Variants in PLPP1 observed in about 807,000 individuals in gnomAD.
PLPP1 encodes the protein lipid phosphate phosphohydrolase 1a.
In PLPP1, 24 loss-of-function variants were observed where a neutral mutation model predicts 31.2. The ratio of observed to expected loss-of-function variants is 0.77; its 90% confidence interval spans 0.56 to 1.08. The LOEUF (loss-of-function observed/expected upper bound fraction) is 1.08, where lower values mean the gene tolerates loss of function less well. Ranked by LOEUF, PLPP1 falls within the 50% of genes least tolerant of loss-of-function variation. PLPP1 has a pLI of 0.00. For synonymous variants in PLPP1, 146 were observed against 126.3 expected, an observed-to-expected ratio of 1.16 and a Z score of -1.05; for missense variants, 319 against 342.7, an observed-to-expected ratio of 0.93 and a Z score of 0.55.
Position 55,511,650 on chromosome 5 carries a change from G to GTTTTTT in PLPP1, c.58+22916_58+22921dup, listed in dbSNP as rs1158182340. Among the ~76,000 whole-genome samples the GTTTTTT allele has an allele frequency of 7.4e-4, 38 of 51,502 alleles. 5 individuals are homozygous for GTTTTTT. The highest frequency in any genetic ancestry group is 2.9e-3 in the African/African-American group (32 of 11,164). 33.8% of individuals were successfully genotyped at this position (51,502 alleles called of 152,430 possible). ...ACTTTAGCGATTTAACACGTGTTGA[G>GTTTTTT]TTTTTTTTTTTTTTTTTTTTTTTTT... On this transcript the variant is annotated intron_variant, in intron 1 of 5. Coordinates refer to ENST00000307259, the MANE Select transcript of PLPP1 (RefSeq NM_003711.4).
At chr5:55,510,865 A>G (rs1486694213) in intron 1 of PLPP1, among the ~76,000 whole-genome samples, 2 of 152,206 alleles carry the variant, frequency 1.3e-5, no homozygotes, top group Non-Finnish European at 2.9e-5. Flanking sequence ...AATACTGTGT[A>G]CATACCTCCC....
chr5:55,463,238 G>A (rs1752207801), intron 3 of PLPP1, among the ~76,000 whole-genome samples: 1 of 152,170 alleles, frequency 6.6e-6, no homozygotes, highest in African/African-American at 2.4e-5. Context: ...TAATGCATGT[G>A]GGGCTTAAAA....
chr5:55,494,847 G>A (rs769882768), intron 1 of PLPP1, among the ~76,000 whole-genome samples: 11 of 151,838 alleles, frequency 7.2e-5, no homozygotes, highest in Non-Finnish European at 1.3e-4. Context: ...TTGGCCAGGC[G>A]CAGTGGCTCA....
intron 2 of PLPP1, among the ~76,000 whole-genome samples, chr5:55,471,202 ATTT>A (rs113348948): frequency 3.6e-5 from 5 of 139,614 alleles, no homozygotes; most frequent in Non-Finnish European, 3.1e-5. Context: ...ATCAGATCAG[ATTT>A]TTTTTTTTTT....
chr5:55,521,561 C>T (rs1284015461), intron 1 of PLPP1, among the ~76,000 whole-genome samples: 1 of 151,974 alleles, frequency 6.6e-6, no homozygotes, highest in Non-Finnish European at 1.5e-5. Flanking sequence ...ATTAAAATAC[C>T]TGCCTATCTC....
At chr5:55,490,629 A>T (rs1752869861) in intron 1 of PLPP1, among the ~76,000 whole-genome samples, 1 of 152,146 alleles carries the variant, frequency 6.6e-6, no homozygotes, top group Non-Finnish European at 1.5e-5. Flanking sequence ...GCCGTACGAT[A>T]GCTTACTGGG....
intron 3 of PLPP1, among the ~76,000 whole-genome samples, chr5:55,458,886 C>CAAA (rs1752081877): frequency 2.2e-4 from 3 of 13,584 alleles, no homozygotes; most frequent in Admixed American, 2.6e-3. Flanking sequence ...GACCCTGTCT[C>CAAA]CAAAAAAAAA....
Position 55,468,799 on chromosome 5 carries a change from G to A in PLPP1, c.211-650C>T, listed in dbSNP as rs140156025. 6.4e-3 allele frequency among the ~76,000 whole-genome samples: 974 copies of A among 152,112 alleles called. 15 individuals are homozygous for A. Among genetic ancestry groups the A allele is most frequent in the African/African-American group, 0.021 (862 of 41,504 alleles). Reference sequence around the variant, plus strand: ...GCCTGGGCAACAAGAGCAAGACTCCGTCTCAATAAATAAATAAATACATAC... The same window carrying A: ...GCCTGGGCAACAAGAGCAAGACTCCATCTCAATAAATAAATAAATACATAC... On this transcript the variant is annotated intron_variant, in intron 2 of 5. Coordinates refer to ENST00000307259, the MANE Select transcript of PLPP1 (RefSeq NM_003711.4).
intron 4 of PLPP1, among the ~76,000 whole-genome samples, chr5:55,432,889 C>G (rs1408741271): frequency 6.6e-6 from 1 of 151,880 alleles, no homozygotes; most frequent in Non-Finnish European, 1.5e-5. Context: ...ACAACTAACG[C>G]CATCCTAAAC....
chr5:55,534,465 G>T, intron 1 of PLPP1, 107 bp downstream of exon 1: 1 of 1,183,816 alleles, frequency 8.4e-7, no homozygotes, highest in Non-Finnish European at 1.1e-6. Flanking sequence ...TCGCCCCACA[G>T]CTGCGCACGC....
chr5:55,457,888 C>CAA (rs33982765), intron 3 of PLPP1, among the ~76,000 whole-genome samples: 11,196 of 143,018 alleles, frequency 0.078, 623 homozygotes, highest in African/African-American at 0.14. Context: ...GACTCTGTCT[C>CAA]AAAAAAAAAA....
chr5:55,513,377 C>T (rs1321406329), intron 1 of PLPP1, among the ~76,000 whole-genome samples: 1 of 150,272 alleles, frequency 6.7e-6, no homozygotes, highest in Non-Finnish European at 1.5e-5. Flanking sequence ...TCTCCTGCCT[C>T]AGCTTCCAGG....
intron 3 of PLPP1, among the ~76,000 whole-genome samples, chr5:55,461,941 A>AAAAAAAAACTCACAATGGC (rs1200249692): frequency 6.6e-6 from 1 of 151,320 alleles, no homozygotes; most frequent in East Asian, 1.9e-4. Flanking sequence ...AAATTGATTA[A>AAAAAAAAACTCACAATGGC]AAAAAAAACT....
In PLPP1 at chr5:55,468,151, T is replaced by G. The variant is rs1752344900; in HGVS notation, c.211-2A>C. The G allele has an allele frequency of 6.4e-7, 1 of 1,564,172 alleles. No individual in the cohort carries two copies. Among genetic ancestry groups the G allele is most frequent in the African/African-American group, 1.4e-5 (1 of 72,924 alleles). On this transcript the variant is annotated splice_acceptor_variant, in intron 2 of 5. Coordinates refer to ENST00000307259, the MANE Select transcript of PLPP1 (RefSeq NM_003711.4). LOFTEE classifies it high-confidence loss of function. ...AGACAGGGTTTCTCCAAGAATAATC[T>G]GAAAAAGAAACAGAAAAATAACATG... is the stretch of plus-strand genomic sequence containing the variant.
chr5:55,459,875 C>T (rs1752112965), intron 3 of PLPP1, among the ~76,000 whole-genome samples: 1 of 152,178 alleles, frequency 6.6e-6, no homozygotes. Context: ...TCAGCCTACT[C>T]AGTGAAGAAA....
intron 1 of PLPP1, among the ~76,000 whole-genome samples, chr5:55,506,378 T>A (rs908689744): frequency 2.0e-5 from 3 of 151,110 alleles, no homozygotes; most frequent in Non-Finnish European, 4.4e-5. Flanking sequence ...AGGCAGATAA[T>A]CCAGTATTAC....
intron 4 of PLPP1, among the ~76,000 whole-genome samples, chr5:55,433,017 G>C (rs1482739749): frequency 1.3e-5 from 2 of 151,584 alleles, no homozygotes; most frequent in African/African-American, 4.8e-5. Flanking sequence ...GCAAGAGAAA[G>C]AAATAAACGG....
At chr5:55,480,581 G>A (rs966998825) in intron 1 of PLPP1, among the ~76,000 whole-genome samples, 1 of 151,918 alleles carries the variant, frequency 6.6e-6, no homozygotes, top group Non-Finnish European at 1.5e-5. Flanking sequence ...TTATCACTCA[G>A]CATAATGTTT....
At chr5:55,427,775 T>TC (rs1554036152) in intron 4 of PLPP1, among the ~76,000 whole-genome samples, 1 of 99,886 alleles carries the variant, frequency 1.0e-5, no homozygotes, top group Non-Finnish European at 2.1e-5. Context: ...AACACTTTTT[T>TC]GGGGGGGGGG....
Sources: gnomAD v4.1 joint callset for allele counts (sites outside exome capture counted in the v4.1 genomes callset) on GRCh38, gnomAD v4.1.1 for gene constraint, MANE v1.5 for transcripts, NCBI Gene and HGNC (gene_info 2026-07-23, HGNC 2026-07-21) for gene names.